Variants in ESR2 observed in about 807,000 individuals in gnomAD.
ESR2 encodes the protein estrogen receptor 2.
In ESR2, 36 loss-of-function variants were observed where a neutral mutation model predicts 49.6. The observed-to-expected ratio is 0.73, with a 90% confidence interval of 0.56 to 0.96. The LOEUF (loss-of-function observed/expected upper bound fraction) is 0.96, where lower values mean the gene tolerates loss of function less well. ESR2 is among the 40% of genes least tolerant of loss of function. The probability of loss-of-function intolerance (pLI) is 0.00; values close to 1 mark genes in which losing one functional copy is unlikely to be tolerated. For missense variants in ESR2, 714 were observed against 693.0 expected (o/e 1.03, Z -0.34); for synonymous variants, 320 against 266.1 (o/e 1.20, Z -1.97).
intron 1 of ESR2, among the ~76,000 whole-genome samples, chr14:64,291,395 C>G (rs530943994): frequency 6.6e-6 from 1 of 152,214 alleles, no homozygotes; most frequent in Non-Finnish European, 1.5e-5. Context: ...GGAAGGCCAA[C>G]TATCCAGTTT....
chr14:64,335,574 C>G (rs2077519566), intron 1 of ESR2, among the ~76,000 whole-genome samples: 1 of 152,182 alleles, frequency 6.6e-6, no homozygotes. Flanking sequence ...GGGGCCCCAT[C>G]TGCGTGACCT....
intron 5 of ESR2, among the ~76,000 whole-genome samples, chr14:64,259,745 C>G (rs1362835711): frequency 6.6e-6 from 1 of 152,174 alleles, no homozygotes; most frequent in Non-Finnish European, 1.5e-5. Flanking sequence ...ACTTCAACCA[C>G]TGATTTACTC....
chr14:64,233,668 C>T (rs2098729570), intron 8 of ESR2: 1 of 246,336 alleles, frequency 4.1e-6, no homozygotes, highest in Non-Finnish European at 7.9e-6. Flanking sequence ...CTGCAAGCCT[C>T]TGGCCACATC....
intron 7 of ESR2, among the ~76,000 whole-genome samples, chr14:64,243,637 CTA>C (rs1355431602): frequency 1.3e-5 from 2 of 152,198 alleles, no homozygotes; most frequent in Non-Finnish European, 2.9e-5. Context: ...GGCTTTTAGT[CTA>C]GGCCCACTAC....
chr14:64,242,447 A>ACAAAC (rs200829379), intron 7 of ESR2, among the ~76,000 whole-genome samples: 23 of 85,256 alleles, frequency 2.7e-4, no homozygotes, highest in African/African-American at 8.7e-4. Context: ...AAACAAACAA[A>ACAAAC]AAAAATATAT....
In ESR2 at chr14:64,235,026, C is replaced by T. The variant is rs761939611; in HGVS notation, c.1350G>A (p.Gln450=). Residue 450 remains glutamine (Q), a synonymous_variant, in exon 8 of 9, where the codon CAG becomes CAA. Coordinates refer to ENST00000341099, the MANE Select transcript of ESR2 (RefSeq NM_001437.3). ...VIAKSGISSQ[Q]QSMRLANLLM... ...GGAGGTTAGCCAGGCGCATGGATTG[C>T]TGCTGGGAGGAGATGCCGCTCTTGG... The T allele has an allele frequency of 6.2e-7, 1 of 1,614,236 alleles. No individual in the cohort carries two copies. Among genetic ancestry groups the T allele is most frequent in the Non-Finnish European group, 8.5e-7 (1 of 1,180,036 alleles).
At chr14:64,305,475 C>A (rs1040096366) in intron 1 of ESR2, among the ~76,000 whole-genome samples, 1 of 151,348 alleles carries the variant, frequency 6.6e-6, no homozygotes, top group South Asian at 2.1e-4. Context: ...TCGAGACCAT[C>A]CTGGCTAACA....
chr14:64,287,098 T>C (rs1184009805), intron 1 of ESR2, among the ~76,000 whole-genome samples: 1 of 152,080 alleles, frequency 6.6e-6, no homozygotes, highest in Non-Finnish European at 1.5e-5. Flanking sequence ...CATTTCTAAG[T>C]ATAAAGTTCA....
Position 64,280,061 on chromosome 14 carries a change from C to T in ESR2, c.455G>A (p.Cys152Tyr), listed in dbSNP as rs1353654623. 24 of 1,613,916 alleles carry T rather than the reference C, an allele frequency of 1.5e-5. No homozygotes were observed. The highest frequency in any genetic ancestry group is 2.0e-5 in the Non-Finnish European group (24 of 1,179,848). Residue 152 changes from cysteine to tyrosine, a missense_variant, in exon 3 of 9, where the codon TGC (cysteine) becomes TAC (tyrosine). Physicochemically the swap from Cys to Tyr is radical, Grantham distance 194 (BLOSUM62 -2). Coordinates refer to ENST00000341099, the MANE Select transcript of ESR2 (RefSeq NM_001437.3). ...GTGATATCCCGATGCGTAATCGCTG[C>T]AGACAGCGCAGAAGTGAGCATCCCT... is the stretch of plus-strand genomic sequence containing the variant. ...SKRDAHFCAVCSDYASGYHYG... is the reference protein window; with the variant it reads ...SKRDAHFCAVYSDYASGYHYG...
rs138101950 is a variant in ESR2 at position 64,312,562 on chromosome 14, G to A, written c.-91+25336C>T. 2.2e-4 allele frequency among the ~76,000 whole-genome samples: 34 copies of A among 152,268 alleles called. No individual in the cohort carries two copies. The East Asian group carries it at 2.9e-3, about 13-fold the overall frequency. ...TAGAAAAAACAAACCTGAGAGGGGC[G>A]TCTGGCTGAGTTAGGTCAGAGGCAC... On this transcript the variant is annotated intron_variant, in intron 1 of 8. Transcript: ENST00000358599.
At chr14:64,264,065 ATGT>A (rs1270820101) in intron 4 of ESR2, among the ~76,000 whole-genome samples, 2 of 151,936 alleles carry the variant, frequency 1.3e-5, no homozygotes, top group Non-Finnish European at 2.9e-5. Context: ...TAAGAAAGAC[ATGT>A]TGTAAGTAAG....
At chr14:64,313,872 C>G (rs2077217258) in intron 1 of ESR2, among the ~76,000 whole-genome samples, 1 of 140,208 alleles carries the variant, frequency 7.1e-6, no homozygotes, top group Admixed American at 7.2e-5. Flanking sequence ...CAGGGAGACT[C>G]TGTCTCAAAA....
rs987545077 is a variant in ESR2 at position 64,230,483 on chromosome 14, G to T, written c.*2654C>A. ...GCCCTTCCAGCTGAGTTAGCAGGGG[G>T]AGTATTCCAGACCAAGACTCGCACT... On this transcript the variant is annotated 3_prime_UTR_variant, in exon 9 of 9. Coordinates refer to ENST00000341099, the MANE Select transcript of ESR2 (RefSeq NM_001437.3). Among the ~76,000 whole-genome samples the T allele has an allele frequency of 6.6e-6, 1 of 152,086 alleles. No individual in the cohort carries two copies. Among genetic ancestry groups the T allele is most frequent in the Admixed American group, 6.5e-5 (1 of 15,274 alleles).
At chr14:64,257,389 A>T in intron 5 of ESR2, 25 bp from the exon 6 acceptor site, 2 of 1,611,964 alleles carry the variant, frequency 1.2e-6, no homozygotes, top group African/African-American at 1.3e-5. Flanking sequence ...AGGCGGTGAG[A>T]CACCCCCACC....
chr14:64,313,854 G>C (rs1305207656), intron 1 of ESR2, among the ~76,000 whole-genome samples: 3 of 138,834 alleles, frequency 2.2e-5, no homozygotes, highest in Non-Finnish European at 4.7e-5. Flanking sequence ...ACTCCAGCCA[G>C]GGCAACACAG....
chr14:64,287,789 T>C (rs898426867), intron 1 of ESR2, among the ~76,000 whole-genome samples: 1 of 152,128 alleles, frequency 6.6e-6, no homozygotes, highest in African/African-American at 2.4e-5. Context: ...TATAAACTGG[T>C]CAAAGGAAAG....
rs138732320 is a variant in ESR2 at position 64,238,330 on chromosome 14, C to T, written c.1226-3180G>A. On this transcript the variant is annotated intron_variant, in intron 7 of 8. Transcript: ENST00000341099. ...CACTGCAGTTGTGGAAAGGCATATG[C>T]GAAATCCATTTTACATATGGTGGGG... is the stretch of plus-strand genomic sequence containing the variant. Among the ~76,000 whole-genome samples, 859 of 152,126 alleles carry T rather than the reference C, an allele frequency of 5.6e-3. 10 individuals carry two copies. Among genetic ancestry groups the T allele is most frequent in the African/African-American group, 0.02 (822 of 41,480 alleles).
chr14:64,264,735 G>C (rs1336159537), intron 4 of ESR2, among the ~76,000 whole-genome samples: 1 of 151,966 alleles, frequency 6.6e-6, no homozygotes, highest in Non-Finnish European at 1.5e-5. Flanking sequence ...GCCAGGCATG[G>C]TGGTGCACAC....
chr14:64,252,122 G>A (rs1360834687), intron 6 of ESR2, among the ~76,000 whole-genome samples: 1 of 152,066 alleles, frequency 6.6e-6, no homozygotes. Context: ...TTCTAGACCA[G>A]CCTGGGCGAT....
Sources: gnomAD v4.1 joint callset for allele counts (sites outside exome capture counted in the v4.1 genomes callset) on GRCh38, gnomAD v4.1.1 for gene constraint, MANE v1.5 for transcripts, NCBI Gene and HGNC (gene_info 2026-07-23, HGNC 2026-07-21) for gene names.